Variants in KIAA1217 observed in about 807,000 individuals in gnomAD.
KIAA1217 encodes the protein sickle tail protein homolog.
In KIAA1217, 88 loss-of-function variants were observed where a neutral mutation model predicts 163.9. The ratio of observed to expected loss-of-function variants is 0.54; its 90% confidence interval spans 0.45 to 0.64. The LOEUF is 0.64. Among genes scored for constraint, KIAA1217 ranks in the 30% least tolerant of loss-of-function variants. The pLI, the probability that KIAA1217 is intolerant of heterozygous loss-of-function variation, is 0.00. For synonymous variants in KIAA1217, 903 were observed against 923.1 expected, an observed-to-expected ratio of 0.98 and a Z score of 0.39; for missense variants, 2,372 against 2,475.0, an observed-to-expected ratio of 0.96 and a Z score of 0.88.
intron 2 of KIAA1217, among the ~76,000 whole-genome samples, chr10:24,180,828 C>T (rs1276477753): frequency 6.6e-6 from 1 of 152,154 alleles, no homozygotes; most frequent in Non-Finnish European, 1.5e-5. Flanking sequence ...TCTCTTTAAC[C>T]TCAGCTTCTC....
intron 2 of KIAA1217, among the ~76,000 whole-genome samples, chr10:24,187,082 C>G (rs1008153036): frequency 2.8e-4 from 42 of 152,116 alleles, no homozygotes; most frequent in Non-Finnish European, 1.9e-4. Context: ...GCCTTTGAGA[C>G]TCTCCGTACA....
intron 12 of KIAA1217, 134 bp downstream of exon 12, chr10:24,522,063 C>T (rs1023775481): frequency 2.3e-5 from 22 of 942,496 alleles, no homozygotes; most frequent in Non-Finnish European, 3.2e-5. Context: ...AGCCCCAAGT[C>T]CTTCTCACCC....
At chr10:23,993,642 G>A (rs898897670) in intron 1 of KIAA1217, among the ~76,000 whole-genome samples, 12 of 140,778 alleles carry the variant, frequency 8.5e-5, no homozygotes, top group East Asian at 2.1e-4. Flanking sequence ...TGCAACCTTC[G>A]CCTCCTGGGT....
intron 1 of KIAA1217, among the ~76,000 whole-genome samples, chr10:23,736,261 C>G (rs1838795725): frequency 6.6e-6 from 1 of 152,098 alleles, no homozygotes; most frequent in African/African-American, 2.4e-5. Flanking sequence ...ATCTTTGATC[C>G]TTTGTTGTGA....
intron 1 of KIAA1217, among the ~76,000 whole-genome samples, chr10:23,940,358 G>A (rs1435553752): frequency 6.6e-6 from 1 of 150,604 alleles, no homozygotes; most frequent in Non-Finnish European, 1.5e-5. Flanking sequence ...TATTCAGAAG[G>A]CTGAAGCAGG....
intron 1 of KIAA1217, among the ~76,000 whole-genome samples, chr10:23,832,609 G>T (rs1006270481): frequency 6.6e-6 from 1 of 152,084 alleles, no homozygotes; most frequent in African/African-American, 2.4e-5. Flanking sequence ...GTTATCAGTT[G>T]TCTTGTTATT....
chr10:23,700,640 C>G (rs1836384656), intron 1 of KIAA1217, among the ~76,000 whole-genome samples: 1 of 152,228 alleles, frequency 6.6e-6, no homozygotes, highest in Non-Finnish European at 1.5e-5. Context: ...CAATAACACA[C>G]CACACTTGCT....
At chr10:23,818,663 A>G (rs56063560) in intron 1 of KIAA1217, among the ~76,000 whole-genome samples, 1 of 152,182 alleles carries the variant, frequency 6.6e-6, no homozygotes, top group African/African-American at 2.4e-5. Flanking sequence ...TGCTTGTTTG[A>G]TCACAGCACA....
chr10:24,468,783 G>A (rs1193127032), intron 5 of KIAA1217, among the ~76,000 whole-genome samples: 1 of 152,162 alleles, frequency 6.6e-6, no homozygotes, highest in East Asian at 1.9e-4. Flanking sequence ...ACTATCACTG[G>A]TGTTTCCCAC....
intron 1 of KIAA1217, among the ~76,000 whole-genome samples, chr10:23,895,738 A>C (rs1361607499): frequency 6.6e-6 from 1 of 152,088 alleles, no homozygotes; most frequent in Non-Finnish European, 1.5e-5. Context: ...ACTTGGAACC[A>C]ACCCAAATGT....
intron 3 of KIAA1217, among the ~76,000 whole-genome samples, chr10:24,415,097 G>T (rs1477344416): frequency 5.4e-5 from 8 of 148,694 alleles, no homozygotes; most frequent in Non-Finnish European, 1.2e-4. Flanking sequence ...CAGCATGGTA[G>T]CCTGATCTCT....
intron 1 of KIAA1217, among the ~76,000 whole-genome samples, 185 bp downstream of exon 1, chr10:24,209,448 T>C (rs1382753561): frequency 6.6e-6 from 1 of 152,150 alleles, no homozygotes; most frequent in African/African-American, 2.4e-5. Flanking sequence ...GGCTTGACTT[T>C]ATCTCTGGCA....
chr10:24,383,193 A>G (rs1165996421), intron 3 of KIAA1217, among the ~76,000 whole-genome samples: 1 of 152,158 alleles, frequency 6.6e-6, no homozygotes, highest in African/African-American at 2.4e-5. Context: ...GAGCCAGGCA[A>G]GGAATGGGAT....
chr10:24,311,367 T>C (rs983294219), intron 2 of KIAA1217, among the ~76,000 whole-genome samples: 22 of 152,204 alleles, frequency 1.4e-4, no homozygotes, highest in South Asian at 1.2e-3. Context: ...GGGTCCTCGC[T>C]GGGCTTGTCT....
intron 3 of KIAA1217, among the ~76,000 whole-genome samples, chr10:24,423,935 T>C (rs16924739): frequency 0.097 from 14,792 of 152,250 alleles, 753 homozygotes; most frequent in African/African-American, 0.12. Flanking sequence ...AAGTCTTACA[T>C]TGTCCTCAAG....
At chr10:23,768,397 G>A (rs188301077) in intron 1 of KIAA1217, among the ~76,000 whole-genome samples, 3 of 152,302 alleles carry the variant, frequency 2.0e-5, no homozygotes, top group Admixed American at 6.5e-5. Context: ...ATGTTGGTTG[G>A]AATGAGAGGG....
At chr10:23,709,353 G>T (rs182800246) in intron 1 of KIAA1217, among the ~76,000 whole-genome samples, 1 of 151,590 alleles carries the variant, frequency 6.6e-6, no homozygotes, top group Non-Finnish European at 1.5e-5. Context: ...GCAAGACCTC[G>T]TCTTTATAAA....
chr10:23,758,962 A>G (rs1010787365), intron 1 of KIAA1217, among the ~76,000 whole-genome samples: 1 of 152,022 alleles, frequency 6.6e-6, no homozygotes, highest in African/African-American at 2.4e-5. Context: ...TATATTAAAA[A>G]AAGTCATTGG....
intron 16 of KIAA1217, among the ~76,000 whole-genome samples, chr10:24,536,244 TTACTC>T (rs1281037267): frequency 1.3e-5 from 2 of 152,146 alleles, no homozygotes; most frequent in African/African-American, 2.4e-5. Flanking sequence ...AAGCATCACT[TTACTC>T]TAAATGAGCC....
Sources: allele counts gnomAD v4.1 joint callset (sites outside exome capture counted in the v4.1 genomes callset), GRCh38; gene constraint gnomAD v4.1.1; transcripts MANE v1.5; gene names NCBI Gene and HGNC (gene_info 2026-07-23, HGNC 2026-07-21).